CDH13: variants seen among roughly 807,000 people sequenced by gnomAD.
CDH13 encodes the protein cadherin 13, also known as cadherin-13.
CDH13 carries 24 observed loss-of-function variants against 63.8 expected under a neutral mutation model. The ratio of observed to expected loss-of-function variants is 0.38; its 90% CI spans 0.27 to 0.53. CDH13 has a LOEUF of 0.53. CDH13 is among the 20% of genes least tolerant of loss of function. CDH13 has a pLI of 0.85. For missense variants in CDH13, 1,049 were observed against 903.1 expected (o/e 1.16, Z -2.07); for synonymous variants, 503 against 355.3 (o/e 1.42, Z -4.67).
intron 3 of CDH13, among the ~76,000 whole-genome samples, chr16:83,070,437 A>G (rs572004775): frequency 6.6e-6 from 1 of 152,312 alleles, no homozygotes; most frequent in African/African-American, 2.4e-5. Context: ...GTTAAGATAC[A>G]TTGATTTCAT....
In CDH13 at chr16:83,102,948, C is replaced by CT. The variant is rs71148813; in HGVS notation, c.367-22415dup. On this transcript the variant is annotated intron_variant, in intron 3 of 13. Transcript: ENST00000567109. ...TCTTTTTCTTTTTTTTTTTCTTTTTCTTTTTTTTTTTTTTTTTTTTTTGAG... is the reference window on the plus strand; with the variant it reads ...TCTTTTTCTTTTTTTTTTTCTTTTTCTTTTTTTTTTTTTTTTTTTTTTTGAG... Among the ~76,000 whole-genome samples the CT allele has an allele frequency of 2.4e-3, 165 of 69,004 alleles. 5 individuals carry two copies. Among genetic ancestry groups the CT allele is most frequent in the African/African-American group, 9.8e-3 (141 of 14,346 alleles). 45.3% of individuals were successfully genotyped at this position (69,004 alleles called of 152,430 possible).
chr16:83,599,139 G>A (rs1256017544), intron 7 of CDH13, among the ~76,000 whole-genome samples: 1 of 152,230 alleles, frequency 6.6e-6, no homozygotes, highest in Non-Finnish European at 1.5e-5. Context: ...AGAAGAGGGA[G>A]TGGGTATCAG....
intron 3 of CDH13, 70 bp downstream of exon 3, chr16:83,032,288 T>C (rs971065691): frequency 3.3e-6 from 4 of 1,200,108 alleles, no homozygotes; most frequent in Non-Finnish European, 4.8e-6. Flanking sequence ...ATGTGGAAAA[T>C]GGGTCTTTAA....
chr16:83,589,775 A>G (rs574894625), intron 7 of CDH13, among the ~76,000 whole-genome samples: 1 of 152,182 alleles, frequency 6.6e-6, no homozygotes, highest in East Asian at 2.0e-4. Context: ...AGAGAGAAAC[A>G]CTCACCGTGC....
At chr16:83,651,850 C>T (rs1002928791) in intron 8 of CDH13, among the ~76,000 whole-genome samples, 3 of 152,138 alleles carry the variant, frequency 2.0e-5, no homozygotes, top group Non-Finnish European at 2.9e-5. Context: ...CTGCTTCAGC[C>T]TCCCAAAGTG....
chr16:82,796,729 G>A (rs2036598996), intron 1 of CDH13, among the ~76,000 whole-genome samples: 3 of 152,244 alleles, frequency 2.0e-5, no homozygotes, highest in Admixed American at 2.0e-4. Flanking sequence ...CTTCTTTGCT[G>A]TGACAAATAA....
intron 10 of CDH13, among the ~76,000 whole-genome samples, chr16:83,698,760 G>A (rs563467977): frequency 5.9e-5 from 9 of 152,206 alleles, no homozygotes; most frequent in Non-Finnish European, 7.3e-5. Flanking sequence ...GTTAGAGCAC[G>A]GTTGGCAAGT....
chr16:83,643,438 G>A (rs538201026), intron 8 of CDH13, among the ~76,000 whole-genome samples: 11 of 152,122 alleles, frequency 7.2e-5, no homozygotes, highest in African/African-American at 2.2e-4. Flanking sequence ...TCTGTCTCAC[G>A]ATTTGTATCT....
chr16:82,927,660 G>A (rs1959823852), intron 2 of CDH13, among the ~76,000 whole-genome samples: 1 of 152,152 alleles, frequency 6.6e-6, no homozygotes, highest in Non-Finnish European at 1.5e-5. Context: ...AGAACGCCAT[G>A]TTTCCCCATC....
At chr16:83,419,123 A>C (rs955085975) in intron 6 of CDH13, among the ~76,000 whole-genome samples, 36 of 152,102 alleles carry the variant, frequency 2.4e-4, no homozygotes, top group African/African-American at 8.7e-4. Context: ...GTCCTCCCTG[A>C]CAGCTGTCGT....
chr16:82,885,649 A>G (rs1298585880), intron 2 of CDH13, among the ~76,000 whole-genome samples: 3 of 152,070 alleles, frequency 2.0e-5, no homozygotes, highest in African/African-American at 7.2e-5. Flanking sequence ...CTATCCATCC[A>G]TTCATCCTGG....
At chr16:82,903,922 A>G (rs1253936361) in intron 2 of CDH13, among the ~76,000 whole-genome samples, 1 of 152,126 alleles carries the variant, frequency 6.6e-6, no homozygotes, top group African/African-American at 2.4e-5. Context: ...TGTCTGCTCT[A>G]AAGCCCAGTC....
chr16:83,729,179 G>T (rs1910770473), intron 10 of CDH13, among the ~76,000 whole-genome samples: 1 of 152,104 alleles, frequency 6.6e-6, no homozygotes, highest in South Asian at 2.1e-4. Flanking sequence ...GGGGGGAACA[G>T]CAACAAATGT....
chr16:83,612,187 C>G (rs968407401), intron 8 of CDH13, among the ~76,000 whole-genome samples: 1 of 151,954 alleles, frequency 6.6e-6, no homozygotes, highest in Non-Finnish European at 1.5e-5. Context: ...TTGAGGCTGT[C>G]TTATTAGATG....
intron 2 of CDH13, among the ~76,000 whole-genome samples, chr16:83,013,266 A>G (rs1438367333): frequency 6.6e-6 from 1 of 152,222 alleles, no homozygotes; most frequent in African/African-American, 2.4e-5. Context: ...CTTTATTTAC[A>G]AAAACAGTAG....
intron 2 of CDH13, among the ~76,000 whole-genome samples, chr16:82,934,603 G>T (rs543806244): frequency 1.3e-5 from 2 of 152,228 alleles, no homozygotes; most frequent in East Asian, 3.9e-4. Context: ...CTATTGCATT[G>T]TCAGGTTGCA....
At chr16:83,658,731 C>T (rs1913134238) in intron 8 of CDH13, among the ~76,000 whole-genome samples, 1 of 150,212 alleles carries the variant, frequency 6.7e-6, no homozygotes, top group Non-Finnish European at 1.5e-5. Flanking sequence ...CATGTCCTCA[C>T]CACCAGGTCC....
intron 4 of CDH13, among the ~76,000 whole-genome samples, chr16:83,184,046 A>G (rs953740452): frequency 6.6e-6 from 1 of 150,852 alleles, no homozygotes; most frequent in African/African-American, 2.4e-5. Flanking sequence ...GAGGCTCAAG[A>G]GATGTTGCCA....
intron 5 of CDH13, among the ~76,000 whole-genome samples, chr16:83,270,939 CCTTCCTCCCTCCCTCCTTT>C (rs1240752595): frequency 6.9e-6 from 1 of 145,600 alleles, no homozygotes; most frequent in Non-Finnish European, 1.5e-5. Flanking sequence ...TTTCTCTTTC[CCTTCCTCCCTCCCTCCTTT>C]CTTCCTCCCT....
Sources: gnomAD v4.1 joint callset for allele counts (sites outside exome capture counted in the v4.1 genomes callset) on GRCh38, gnomAD v4.1.1 for gene constraint, MANE v1.5 for transcripts, NCBI Gene and HGNC (gene_info 2026-07-23, HGNC 2026-07-21) for gene names.